Variants in GRM5 observed in about 807,000 individuals in gnomAD.
The protein encoded by GRM5 is metabotropic glutamate receptor 5.
In GRM5, 19 loss-of-function variants were observed where a neutral mutation model predicts 83.1. The observed-to-expected ratio is 0.23, with a 90% CI of 0.16 to 0.34. GRM5 has a LOEUF of 0.34. GRM5 is among the 10% of genes least tolerant of loss of function. The pLI, the probability that GRM5 is intolerant of heterozygous loss-of-function variation, is 1.00. For synonymous variants in GRM5, 675 were observed against 633.6 expected (o/e 1.07, Z -0.98); for missense variants, 1,160 against 1,588.3 (o/e 0.73, Z 4.58).
At chr11:88,661,038 C>G (rs543492226) in intron 3 of GRM5, among the ~76,000 whole-genome samples, 1 of 152,226 alleles carries the variant, frequency 6.6e-6, no homozygotes, top group African/African-American at 2.4e-5. Context: ...TAGTGGTGAA[C>G]AAGGAAGGCA....
At chr11:88,646,887 T>C (rs1267712675) in intron 4 of GRM5, among the ~76,000 whole-genome samples, 8 of 90,166 alleles carry the variant, frequency 8.9e-5, no homozygotes, top group Non-Finnish European at 2.4e-4. Context: ...TTTTCTAAGG[T>C]TGCCATTACA....
At chr11:88,565,617 G>C (rs1235703011) in intron 8 of GRM5, among the ~76,000 whole-genome samples, 2 of 152,226 alleles carry the variant, frequency 1.3e-5, no homozygotes, top group Non-Finnish European at 2.9e-5. Flanking sequence ...GGCTGATCTT[G>C]CAGAAATTTC....
rs553816557 is a variant in GRM5, at chr11:88,506,447, G to T, written c.*2145C>A. On this transcript the variant is annotated 3_prime_UTR_variant, in exon 10 of 10. Transcript: ENST00000305447. Reference sequence around the variant, plus strand: ...AGGTGAATGCCATCCTTTTGATGAGGATCCAAAGGGTATTAACACCTCAAA... The same window carrying T: ...AGGTGAATGCCATCCTTTTGATGAGTATCCAAAGGGTATTAACACCTCAAA... 3 of 152,294 alleles carry T rather than the reference G, an allele frequency of 2.0e-5. No individual in the cohort carries two copies. The South Asian group carries it at 6.2e-4, about 32-fold the overall frequency. 9.4% of individuals were successfully genotyped at this position (152,294 alleles called of 1,614,324 possible).
chr11:89,000,507 G>A (rs1565329344), intron 2 of GRM5, among the ~76,000 whole-genome samples: 1 of 152,166 alleles, frequency 6.6e-6, no homozygotes, highest in Admixed American at 6.5e-5. Context: ...TCATCAGTGG[G>A]CAAAGAAAAA....
At chr11:88,646,378 T>C (rs1939448636) in intron 4 of GRM5, among the ~76,000 whole-genome samples, 1 of 151,776 alleles carries the variant, frequency 6.6e-6, no homozygotes, top group African/African-American at 2.4e-5. Flanking sequence ...AAGTAAAACA[T>C]ACTGAAGTCA....
chr11:88,942,380 A>C (rs570932210), intron 2 of GRM5, among the ~76,000 whole-genome samples: 2 of 152,108 alleles, frequency 1.3e-5, no homozygotes, highest in East Asian at 3.9e-4. Flanking sequence ...TTTCTAGTGT[A>C]ATTTGTCTGT....
At position 88,604,796 on chromosome 11, in the gene GRM5, T is replaced by A; in HGVS notation, c.1316A>T (p.Glu439Val). The A allele has an allele frequency of 6.2e-7, 1 of 1,613,008 alleles. No homozygotes were observed. The highest frequency in any genetic ancestry group is 8.5e-7 in the Non-Finnish European group (1 of 1,178,980). ...AGTAAAATTGGTTTTCATCAGGGACTCCAAAAGTTTCCGTCCATCAATTGG... is the reference window on the plus strand; with the variant it reads ...AGTAAAATTGGTTTTCATCAGGGACACCAAAAGTTTCCGTCCATCAATTGG... Reference protein sequence around the residue: ...MKPIDGRKLLESLMKTNFTGV... With the variant: ...MKPIDGRKLLVSLMKTNFTGV... The change falls in exon 5 of 10, where the codon GAG (glutamate) becomes GTG (valine). Residue 439 changes from glutamate to valine, a missense_variant. This residue lies in a region of GRM5 where 132 missense variants were observed against 197.6 expected (regional missense o/e 0.67). Coordinates refer to ENST00000305447, the MANE Select transcript of GRM5 (RefSeq NM_001143831.3).
intron 2 of GRM5, among the ~76,000 whole-genome samples, chr11:88,961,661 C>T (rs1432850946): frequency 8.5e-5 from 13 of 152,190 alleles, no homozygotes; most frequent in African/African-American, 1.9e-4. Context: ...CAAACTTCAA[C>T]ATAACATTCC....
intron 3 of GRM5, among the ~76,000 whole-genome samples, chr11:88,749,925 C>T (rs1307841681): frequency 6.6e-6 from 1 of 152,128 alleles, no homozygotes; most frequent in Non-Finnish European, 1.5e-5. Flanking sequence ...CTTGCAAGAG[C>T]TCCTGAAGGA....
intron 3 of GRM5, among the ~76,000 whole-genome samples, chr11:88,673,610 C>G (rs1217764615): frequency 1.3e-5 from 2 of 151,766 alleles, no homozygotes; most frequent in Non-Finnish European, 2.9e-5. Flanking sequence ...ATGTTATGAG[C>G]AATTGAGAAA....
chr11:89,010,528 T>C (rs538997601), intron 2 of GRM5, among the ~76,000 whole-genome samples: 4 of 152,288 alleles, frequency 2.6e-5, no homozygotes, highest in Admixed American at 6.5e-5. Flanking sequence ...CTAGAATTCA[T>C]GCAACTGTAA....
chr11:88,983,827 A>G (rs551838866), intron 2 of GRM5, among the ~76,000 whole-genome samples: 1 of 152,196 alleles, frequency 6.6e-6, no homozygotes, highest in Non-Finnish European at 1.5e-5. Flanking sequence ...TATTGCCCCT[A>G]AAGATTTTAC....
intron 3 of GRM5, among the ~76,000 whole-genome samples, chr11:88,738,557 T>C (rs531585780): frequency 1.3e-5 from 2 of 152,238 alleles, no homozygotes; most frequent in South Asian, 4.1e-4. Flanking sequence ...AACAACTATT[T>C]CACAGTTAAG....
At chr11:88,717,610 A>AATC (rs1941426484) in intron 3 of GRM5, among the ~76,000 whole-genome samples, 2 of 152,016 alleles carry the variant, frequency 1.3e-5, no homozygotes, top group South Asian at 4.1e-4. Flanking sequence ...TAAGTAAATA[A>AATC]ATCTTTTCAT....
chr11:88,947,000 T>A (rs1303829241), intron 2 of GRM5, among the ~76,000 whole-genome samples: 1 of 152,146 alleles, frequency 6.6e-6, no homozygotes, highest in Non-Finnish European at 1.5e-5. Context: ...GTAGACTCAC[T>A]GAGGAATCTA....
intron 3 of GRM5, among the ~76,000 whole-genome samples, chr11:88,654,498 G>A (rs1370543177): frequency 7.9e-5 from 12 of 151,962 alleles, no homozygotes; most frequent in Non-Finnish European, 1.2e-4. Flanking sequence ...GGAAGTATGG[G>A]GAAAGGGAAA....
chr11:88,825,475 T>C (rs2135514095), intron 3 of GRM5, among the ~76,000 whole-genome samples: 1 of 152,294 alleles, frequency 6.6e-6, no homozygotes, highest in South Asian at 2.1e-4. Context: ...CTTCATTATA[T>C]TGAGAAATGA....
chr11:88,890,108 T>C (rs1413873410), intron 2 of GRM5, among the ~76,000 whole-genome samples: 2 of 109,558 alleles, frequency 1.8e-5, no homozygotes, highest in Non-Finnish European at 3.8e-5. Context: ...CTGAAAGATA[T>C]GGAAACATCC....
At chr11:88,838,084 C>CAAAAAAAAAAAAAAAAAAAAAAAAAAA (rs1157680177) in intron 3 of GRM5, among the ~76,000 whole-genome samples, 1 of 55,452 alleles carries the variant, frequency 1.8e-5, no homozygotes, top group Non-Finnish European at 3.3e-5. Context: ...GACTCCATCT[C>CAAAAAAAAAAAAAAAAAAAAAAAAAAA]AAAAAAAAAA....
Sources: gnomAD v4.1 joint callset for allele counts (sites outside exome capture counted in the v4.1 genomes callset) on GRCh38, gnomAD v4.1.1 for gene constraint, gnomAD v4.1.1 regional missense constraint, MANE v1.5 for transcripts, NCBI Gene and HGNC (gene_info 2026-07-23, HGNC 2026-07-21) for gene names.